Variants in BMERB1 observed in about 807,000 individuals in gnomAD.
BMERB1 encodes bMERB domain containing 1, also known as bMERB domain-containing protein 1.
In BMERB1, 12 loss-of-function variants were observed where a neutral mutation model predicts 23.6. That is an observed-to-expected ratio of 0.51 (90% confidence interval 0.33 to 0.82). The LOEUF (loss-of-function observed/expected upper bound fraction) is 0.82. Among genes scored for constraint, BMERB1 ranks in the 40% least tolerant of loss-of-function variants. The pLI is 0.03. For missense variants in BMERB1, 247 were observed against 255.4 expected (o/e 0.97, Z 0.22); for synonymous variants, 122 against 96.6 (o/e 1.26, Z -1.54).
At chr16:15,436,379 C>T (rs571024670) in intron 1 of BMERB1, among the ~76,000 whole-genome samples, 11 of 151,822 alleles carry the variant, frequency 7.2e-5, no homozygotes, top group African/African-American at 2.7e-4. Flanking sequence ...CTGCCTCAGC[C>T]TCCAGAGTAG....
intron 1 of BMERB1, among the ~76,000 whole-genome samples, chr16:15,493,153 G>A (rs1423552320): frequency 6.6e-6 from 1 of 152,090 alleles, no homozygotes; most frequent in African/African-American, 2.4e-5. Context: ...AGGAGTTCAA[G>A]ACCAGCCTGA....
At chr16:15,510,844 G>C (rs1285585537) in intron 1 of BMERB1, among the ~76,000 whole-genome samples, 1 of 152,108 alleles carries the variant, frequency 6.6e-6, no homozygotes, top group African/African-American at 2.4e-5. Flanking sequence ...TGGGATTACA[G>C]GCACCTGCCA....
rs191041197 is a variant in BMERB1 at position 15,451,471 on chromosome 16, C to A, written c.106+16712C>A. Among the ~76,000 whole-genome samples the A allele has an allele frequency of 2.6e-5, 4 of 152,120 alleles. No homozygotes were observed. The East Asian group carries it at 7.7e-4, about 29-fold the overall frequency. ...GTGCTGAGATTACAGGCATGAGCCA[C>A]CATGCCCGGCCTATTTTGTCCAACG... On this transcript the variant is annotated intron_variant, in intron 1 of 5. Transcript: ENST00000300006.
intron 1 of BMERB1, among the ~76,000 whole-genome samples, chr16:15,475,263 T>G (rs935334520): frequency 6.6e-6 from 1 of 152,162 alleles, no homozygotes; most frequent in Admixed American, 6.6e-5. Context: ...TGGGTCCCAC[T>G]GACACCAGCA....
chr16:15,563,692 A>G (rs1407564384), intron 2 of BMERB1, among the ~76,000 whole-genome samples: 2 of 152,162 alleles, frequency 1.3e-5, no homozygotes. Context: ...GAGAAGGAAC[A>G]AGAGAGCAAA....
intron 2 of BMERB1, among the ~76,000 whole-genome samples, chr16:15,552,924 A>G (rs1471047903): frequency 1.3e-5 from 2 of 152,140 alleles, no homozygotes; most frequent in Admixed American, 6.5e-5. Context: ...CTGTTATCTC[A>G]GTACTTTGGG....
At chr16:15,581,690 T>C (rs1404559827) in intron 4 of BMERB1, among the ~76,000 whole-genome samples, 1 of 152,166 alleles carries the variant, frequency 6.6e-6, no homozygotes. Context: ...CTGAACTGAC[T>C]TGCTCCCAAC....
intron 3 of BMERB1, among the ~76,000 whole-genome samples, chr16:15,575,145 A>G (rs1184351898): frequency 6.6e-6 from 1 of 152,162 alleles, no homozygotes; most frequent in East Asian, 1.9e-4. Context: ...TCCCTGGCCC[A>G]TGGGTGTGAC....
chr16:15,577,463 G>A (rs1223506757), intron 3 of BMERB1, among the ~76,000 whole-genome samples: 2 of 152,202 alleles, frequency 1.3e-5, no homozygotes, highest in Admixed American at 1.3e-4. Context: ...AATTCCACCA[G>A]CGGGCATAAG....
In BMERB1 at chr16:15,515,399, G is replaced by C; in HGVS notation, c.201G>C (p.Leu67Phe). The C allele has an allele frequency of 6.2e-7, 1 of 1,614,018 alleles. No homozygotes were observed. Among genetic ancestry groups the C allele is most frequent in the African/African-American group, 1.3e-5 (1 of 75,032 alleles). ...MAKIQRLREV[L>F]VRRESELRFM... ...AAATTCAGCGTCTCCGGGAAGTCTT[G>C]GTCCGCCGGGAGTCTGAGCTCAGGT... The change falls in exon 2 of 6, where the codon TTG becomes TTC. Residue 67 changes from leucine to phenylalanine, a missense_variant. By Grantham distance (22) the Leu-to-Phe change is conservative. Transcript: ENST00000300006.
chr16:15,461,124 C>CAAA (rs35746898), intron 1 of BMERB1, among the ~76,000 whole-genome samples: 5 of 131,304 alleles, frequency 3.8e-5, no homozygotes, highest in Admixed American at 1.5e-4. Context: ...GACTCTGTCT[C>CAAA]AAAAAAAAAA....
At chr16:15,479,603 C>A in intron 1 of BMERB1, among the ~76,000 whole-genome samples, 1 of 151,986 alleles carries the variant, frequency 6.6e-6, no homozygotes, top group Non-Finnish European at 1.5e-5. Flanking sequence ...CCAACCAAAA[C>A]AATATATATT....
intron 2 of BMERB1, among the ~76,000 whole-genome samples, chr16:15,544,540 T>C (rs2052114358): frequency 1.3e-5 from 2 of 152,222 alleles, no homozygotes; most frequent in Admixed American, 1.3e-4. Flanking sequence ...AATTACTTCC[T>C]ACACTGTGAG....
chr16:15,580,675 G>C (rs1215649120), intron 3 of BMERB1, among the ~76,000 whole-genome samples: 1 of 151,500 alleles, frequency 6.6e-6, no homozygotes, highest in Non-Finnish European at 1.5e-5. Context: ...AGCCTCCCGA[G>C]TAGCTGGGAC....
At chr16:15,531,596 T>C (rs1207928353) in intron 2 of BMERB1, among the ~76,000 whole-genome samples, 2 of 152,134 alleles carry the variant, frequency 1.3e-5, no homozygotes, top group African/African-American at 4.8e-5. Context: ...GATGACACAC[T>C]ACATGGGGCA....
At chr16:15,569,637 G>A (rs1206674646) in intron 3 of BMERB1, among the ~76,000 whole-genome samples, 2 of 152,170 alleles carry the variant, frequency 1.3e-5, no homozygotes, top group Non-Finnish European at 2.9e-5. Flanking sequence ...GGTTGGGGAT[G>A]CAATCATAGG....
At chr16:15,519,073 T>TCACACACACACA (rs767637841) in intron 2 of BMERB1, among the ~76,000 whole-genome samples, 3 of 29,484 alleles carry the variant, frequency 1.0e-4, no homozygotes, top group African/African-American at 2.6e-4. Context: ...AACAATCCTC[T>TCACACACACACA]TACACACACA....
chr16:15,490,035 T>G (rs1158071906), intron 1 of BMERB1, among the ~76,000 whole-genome samples: 1 of 152,088 alleles, frequency 6.6e-6, no homozygotes, highest in Non-Finnish European at 1.5e-5. Flanking sequence ...CGGCTAATTT[T>G]TTGTATTTTT....
intron 2 of BMERB1, among the ~76,000 whole-genome samples, chr16:15,553,017 A>AT (rs532822396): frequency 4.2e-4 from 63 of 151,700 alleles, no homozygotes; most frequent in African/African-American, 1.2e-3. Flanking sequence ...TCTACCAGAC[A>AT]TTTTTTTTGA....
Sources: gnomAD v4.1 joint callset for allele counts (sites outside exome capture counted in the v4.1 genomes callset) on GRCh38, gnomAD v4.1.1 for gene constraint, MANE v1.5 for transcripts, NCBI Gene and HGNC (gene_info 2026-07-23, HGNC 2026-07-21) for gene names.